GLE1: variants seen among roughly 807,000 people sequenced by gnomAD.
GLE1 encodes the protein mRNA export factor GLE1.
GLE1 carries 78 observed loss-of-function variants against 97.3 expected under a neutral mutation model. That is an observed-to-expected ratio of 0.80 (90% CI 0.67 to 0.97). The LOEUF is 0.97. Among genes scored for constraint, GLE1 ranks in the 50% least tolerant of loss-of-function variants. The probability of loss-of-function intolerance (pLI) is 0.00; values close to 1 mark genes in which losing one functional copy is unlikely to be tolerated. For missense variants in GLE1, 753 were observed against 857.5 expected (o/e 0.88, Z 1.52); for synonymous variants, 302 against 313.4 (o/e 0.96, Z 0.39).
At chr9:128,505,125 C>G (rs887100319) in intron 1 of GLE1, among the ~76,000 whole-genome samples, 2 of 152,206 alleles carry the variant, frequency 1.3e-5, no homozygotes, top group Non-Finnish European at 2.9e-5. Context: ...GTGCCCCGCG[C>G]TCTGAAGGCT....
chr9:128,527,580 A>C, intron 9 of GLE1, 55 bp downstream of exon 9: 2 of 1,028,570 alleles, frequency 1.9e-6, no homozygotes, highest in Middle Eastern at 2.0e-4. Context: ...TATCTTTCAG[A>C]CTCCAAATCT....
rs1847893472 is a variant in GLE1, at chr9:128,542,013, A to G, written c.*843A>G. 1.3e-5 allele frequency: 2 copies of G among 152,336 alleles called. No homozygotes were observed. Among genetic ancestry groups the G allele is most frequent in the African/African-American group, 4.8e-5 (2 of 41,560 alleles). 9.4% of individuals were successfully genotyped at this position (152,336 alleles called of 1,614,324 possible). A position where few individuals can be genotyped will look rare whatever the true frequency, so the allele number is the denominator to read the frequency against. The stretch of plus-strand genomic sequence containing the variant: ...AAATAAAGATGTTGGGCAGGAACTG[A>G]ACACTGCTAATATGATGATAAATAT... On this transcript the variant is annotated 3_prime_UTR_variant, in exon 16 of 16. Transcript: ENST00000309971.
chr9:128,522,617 C>CAG lies in GLE1; in HGVS notation c.433-43_433-42dup, dbSNP rs750079562. ...AGTGAGCTGCACTCCAGCCTGGCGA[C>CAG]AGAGAGAGATTCCATCTTAAAAAAA... is the stretch of plus-strand genomic sequence containing the variant. On this transcript the variant is annotated intron_variant, in intron 3 of 15. Transcript: ENST00000309971. 2.7e-6 allele frequency: 4 copies of CAG among 1,497,210 alleles called. No individual in the cohort carries two copies. The African/African-American group carries it at 6.4e-5, about 24-fold the overall frequency. 92.7% of individuals were successfully genotyped at this position (1,497,210 alleles called of 1,614,324 possible).
chr9:128,514,017 CA>C (rs35379717), intron 2 of GLE1, among the ~76,000 whole-genome samples: 32,824 of 95,424 alleles, frequency 0.34, 3,935 homozygotes, highest in East Asian at 0.45. Flanking sequence ...GACTCCATCT[CA>C]AAAAAAAAAA....
At chr9:128,506,542 T>C (rs1288183367) in intron 1 of GLE1, among the ~76,000 whole-genome samples, 1 of 152,196 alleles carries the variant, frequency 6.6e-6, no homozygotes. Flanking sequence ...TTCCCTGTCT[T>C]AATCCTGGAA....
intron 11 of GLE1, among the ~76,000 whole-genome samples, chr9:128,534,497 C>T (rs1194566766): frequency 1.3e-5 from 2 of 152,086 alleles, no homozygotes; most frequent in African/African-American, 4.8e-5. Flanking sequence ...GGAATTTTAT[C>T]CCTGCTTTGT....
chr9:128,525,068 C>G, intron 6 of GLE1, 124 bp from the exon 7 acceptor site: 1 of 737,124 alleles, frequency 1.4e-6, no homozygotes, highest in Non-Finnish European at 2.5e-6. Context: ...AAAGAAGTAT[C>G]AATTCGTTGA....
chr9:128,508,891 T>C lies in GLE1; in HGVS notation c.115T>C (p.Cys39Arg), dbSNP rs759935136. ...LLRREDVLEECMSLPKLSSYS... is the reference protein window; with the variant it reads ...LLRREDVLEERMSLPKLSSYS... ...TTTTCTCTAGGATGTTTTAGAAGAA[T>C]GTATGTCTCTTCCCAAGCTATCTTC... The change falls in exon 2 of 16, where the codon TGT (cysteine) becomes CGT (arginine). Residue 39 changes from cysteine (C) to arginine (R), a missense_variant. Coordinates refer to ENST00000309971, the MANE Select transcript of GLE1 (RefSeq NM_001003722.2). 1.3e-6 allele frequency: 2 copies of C among 1,596,262 alleles called. No individual in the cohort carries two copies. Among genetic ancestry groups the C allele is most frequent in the Admixed American group, 3.3e-5 (2 of 59,994 alleles).
In GLE1 at chr9:128,525,293, C is replaced by A. The variant is rs199535198; in HGVS notation, c.999C>A (p.Cys333Ter). 1 of 1,613,884 alleles carries A rather than the reference C, an allele frequency of 6.2e-7. No homozygotes were observed. The highest frequency in any genetic ancestry group is 8.5e-7 in the Non-Finnish European group (1 of 1,179,898). The part of the protein sequence containing the change: ...MNLGQEITRA[C>*]EDKRRQDEEE... ...TGGGGCAGGAGATCACCAGAGCCTGCGAAGACAAGAGGAGGCAGGATGAAG... is the reference window on the plus strand; with the variant it reads ...TGGGGCAGGAGATCACCAGAGCCTGAGAAGACAAGAGGAGGCAGGATGAAG... The change falls in exon 7 of 16, where the codon TGC becomes TGA. Residue 333 changes from cysteine (C) to a stop codon, truncating the protein, a stop_gained. Transcript: ENST00000309971. LOFTEE classifies it high-confidence loss of function.
At chr9:128,520,370 GTA>G (rs577183963) in intron 3 of GLE1, among the ~76,000 whole-genome samples, 1 of 147,720 alleles carries the variant, frequency 6.8e-6, no homozygotes, top group Non-Finnish European at 1.5e-5. Flanking sequence ...GTGTATATAT[GTA>G]TATATGTATA....
rs775158391 is a variant in GLE1, at chr9:128,504,738, C to T, written c.-68C>T. 2 of 1,090,226 alleles carry T rather than the reference C, an allele frequency of 1.8e-6. No individual in the cohort carries two copies. Among genetic ancestry groups the T allele is most frequent in the East Asian group, 2.3e-5 (1 of 42,672 alleles). The allele number at this position is 1,090,226 out of a possible 1,614,324, so 67.5% of individuals were successfully genotyped here. A position where few individuals can be genotyped will look rare whatever the true frequency, so the allele number is the denominator to read the frequency against. ...GGAAGCAGAAGCCTGTGTGGCCTTC[C>T]CGGCGGCTGATTCGAGGGCTTGTTT... On this transcript the variant is annotated 5_prime_UTR_variant, in exon 1 of 16. Transcript: ENST00000309971.
At chr9:128,524,648 T>C (rs1391020114) in intron 6 of GLE1, among the ~76,000 whole-genome samples, 1 of 147,174 alleles carries the variant, frequency 6.8e-6, no homozygotes, top group Non-Finnish European at 1.5e-5. Flanking sequence ...GGCTTCCAGG[T>C]TCAAGCGATT....
chr9:128,513,998 A>T (rs1235120819), intron 2 of GLE1, among the ~76,000 whole-genome samples: 1 of 149,778 alleles, frequency 6.7e-6, no homozygotes, highest in African/African-American at 2.5e-5. Context: ...AGCCTGGGCA[A>T]CAGAGTGAGA....
At chr9:128,514,787 C>T (rs115001114) in intron 2 of GLE1, among the ~76,000 whole-genome samples, 323 of 152,132 alleles carry the variant, frequency 2.1e-3, no homozygotes, top group African/African-American at 7.1e-3. Context: ...AATCCGCCCA[C>T]CACAGCCTCC....
intron 3 of GLE1, among the ~76,000 whole-genome samples, chr9:128,516,419 A>G (rs1161094892): frequency 2.0e-5 from 3 of 151,970 alleles, no homozygotes; most frequent in Admixed American, 6.6e-5. Flanking sequence ...TCCCAGGTTC[A>G]TGCTATTCTC....
In GLE1 at chr9:128,515,632, A is replaced by G; in HGVS notation, c.425A>G (p.Lys142Arg). The G allele has an allele frequency of 1.9e-6, 3 of 1,543,912 alleles. No individual in the cohort carries two copies. Among genetic ancestry groups the G allele is most frequent in the Non-Finnish European group, 2.7e-6 (3 of 1,116,172 alleles). The stretch of plus-strand genomic sequence containing the variant: ...ATGTACGAACTGGTACACAGAATGA[A>G]AGGAACAGTAAGTGAACCCATGAAG... ...VRMYELVHRM[K>R]GTEGLRLWQE... The change falls in exon 3 of 16, where the codon AAA becomes AGA. Residue 142 changes from lysine (K) to arginine (R), a missense_variant. By Grantham distance (26) the Lys-to-Arg change is conservative. Transcript: ENST00000309971.
chr9:128,513,967 G>A (rs1349164439), intron 2 of GLE1, among the ~76,000 whole-genome samples: 6 of 149,214 alleles, frequency 4.0e-5, no homozygotes, highest in Non-Finnish European at 5.9e-5. Flanking sequence ...GCAGTGAGCC[G>A]AGATTGCGCT....
At chr9:128,511,631 G>T (rs949197805) in intron 2 of GLE1, among the ~76,000 whole-genome samples, 1 of 151,216 alleles carries the variant, frequency 6.6e-6, no homozygotes, top group Admixed American at 6.6e-5. Flanking sequence ...ATGTGAACGC[G>T]GGAGGCAGAG....
At chr9:128,530,153 A>G (rs1215968029) in intron 9 of GLE1, among the ~76,000 whole-genome samples, 1 of 152,036 alleles carries the variant, frequency 6.6e-6, no homozygotes, top group African/African-American at 2.4e-5. Context: ...GGCTTCAAAC[A>G]TTACCTGAAT....
Sources: gnomAD v4.1 joint callset for allele counts (sites outside exome capture counted in the v4.1 genomes callset) on GRCh38, gnomAD v4.1.1 for gene constraint, MANE v1.5 for transcripts, NCBI Gene and HGNC (gene_info 2026-07-23, HGNC 2026-07-21) for gene names.